Variants in GNB1L observed in about 807,000 individuals in gnomAD.
The protein encoded by GNB1L is G protein subunit beta 1 like, also known as guanine nucleotide-binding protein subunit beta-like protein 1.
Under a neutral mutation model 29.1 loss-of-function variants are expected in GNB1L, and 20 were observed. That is an observed-to-expected ratio of 0.69 (90% confidence interval 0.48 to 1.00). The LOEUF is 1.00. Ranked by LOEUF, GNB1L falls within the 50% of genes least tolerant of loss-of-function variation. GNB1L has a pLI of 0.00. For synonymous variants in GNB1L, 193 were observed against 206.5 expected, an observed-to-expected ratio of 0.93 and a Z score of 0.56; for missense variants, 421 against 464.9, an observed-to-expected ratio of 0.91 and a Z score of 0.87.
rs746935334 is a variant in GNB1L at position 19,802,206 on chromosome 22, C to T, written c.527G>A (p.Ser176Asn). Residue 176 changes from serine to asparagine, a missense_variant, in exon 7 of 8, where the codon AGC becomes AAC. Coordinates refer to ENST00000329517, the MANE Select transcript of GNB1L (RefSeq NM_053004.3). ...GCCGGCCAGAAGGAGTGGGCGGGAG[C>T]TGCAGTCGGCCTGCGGGGAACAGCA... Reference protein sequence around the residue: ...MCLRLWQADCSSRPLLLAGYE... With the variant: ...MCLRLWQADCNSRPLLLAGYE... 6 of 1,612,580 alleles carry T rather than the reference C, an allele frequency of 3.7e-6. No homozygotes were observed. The South Asian group carries it at 6.6e-5, about 18-fold the overall frequency.
Position 19,801,989 on chromosome 22 carries a change from T to C in GNB1L, c.732+12A>G. 1 of 1,564,646 alleles carries C rather than the reference T, an allele frequency of 6.4e-7. No individual in the cohort carries two copies. The stretch of plus-strand genomic sequence containing the variant: ...AGCAGGATAAATGAGACCCGGGGCC[T>C]GGCGCACTGACCTGCAGGGCCTGCT... On this transcript the variant is annotated intron_variant, in intron 7 of 7. Transcript: ENST00000329517.
intron 7 of GNB1L, chr22:19,792,697 T>C: frequency 6.8e-7 from 1 of 1,462,720 alleles, no homozygotes. Flanking sequence ...AGACCACCTG[T>C]CCTTCGAGCA....
At chr22:19,851,697 G>T in intron 2 of GNB1L, 1 of 1,600,764 alleles carries the variant, frequency 6.2e-7, no homozygotes, top group African/African-American at 1.3e-5. Context: ...ACCACAGCAT[G>T]GTACTCAGCA....
intron 2 of GNB1L, among the ~76,000 whole-genome samples, chr22:19,826,152 G>A (rs78817588): frequency 0.015 from 2,242 of 152,302 alleles, 22 homozygotes; most frequent in Non-Finnish European, 0.022. Flanking sequence ...AAAAGGCAAA[G>A]CTTAGGGCCA....
intron 6 of GNB1L, 125 bp from the exon 7 acceptor site, chr22:19,802,341 G>T: frequency 1.4e-6 from 1 of 728,420 alleles, no homozygotes; most frequent in Non-Finnish European, 2.3e-6. Flanking sequence ...TGTCTTCCAC[G>T]TGGCTGCCAC....
chr22:19,810,796 G>A (rs1264366392), intron 5 of GNB1L, among the ~76,000 whole-genome samples: 1 of 152,236 alleles, frequency 6.6e-6, no homozygotes, highest in African/African-American at 2.4e-5. Context: ...TGGGAATGTG[G>A]AAAGCAACTG....
intron 2 of GNB1L, chr22:19,849,936 C>G (rs1396715496): frequency 1.0e-6 from 1 of 985,556 alleles, no homozygotes; most frequent in East Asian, 1.1e-4. Context: ...CTAGAAAACC[C>G]CTCCTTGTGT....
chr22:19,826,245 C>T (rs761783579), intron 2 of GNB1L, among the ~76,000 whole-genome samples: 6 of 152,324 alleles, frequency 3.9e-5, no homozygotes, highest in Admixed American at 3.3e-4. Context: ...CCTACACCCA[C>T]GGATGCCAGA....
At chr22:19,803,801 C>T (rs1429869118) in intron 6 of GNB1L, among the ~76,000 whole-genome samples, 8 of 152,234 alleles carry the variant, frequency 5.3e-5, no homozygotes, top group Admixed American at 5.2e-4. Context: ...AAAGACTCTC[C>T]TCATTGGACC....
Position 19,816,294 on chromosome 22 carries a change from C to T in GNB1L, c.255-3847G>A, listed in dbSNP as rs768806685. Reference sequence around the variant, plus strand: ...CACCATCAGGGGTGTCAACCCTGATCGCCTGGTCAGGACCCATAGTTTTCA... The same window carrying T: ...CACCATCAGGGGTGTCAACCCTGATTGCCTGGTCAGGACCCATAGTTTTCA... On this transcript the variant is annotated intron_variant, in intron 4 of 7. Coordinates refer to ENST00000329517, the MANE Select transcript of GNB1L (RefSeq NM_053004.3). The surrounding 1 kb of genome is among the most constrained non-coding windows in gnomAD (Gnocchi z 4.4). 2.6e-5 allele frequency among the ~76,000 whole-genome samples: 4 copies of T among 152,210 alleles called. No homozygotes were observed. The highest frequency in any genetic ancestry group is 5.9e-5 in the Non-Finnish European group (4 of 68,024).
intron 7 of GNB1L, chr22:19,792,786 G>A (rs1937266510): frequency 3.5e-6 from 5 of 1,439,764 alleles, no homozygotes; most frequent in South Asian, 1.2e-5. Flanking sequence ...GGATCCCATC[G>A]AGCTGGTTGT....
Position 19,808,675 on chromosome 22 carries a change from C to T in GNB1L, c.418-1918G>A, listed in dbSNP as rs73877349. On this transcript the variant is annotated intron_variant, in intron 5 of 7. Coordinates refer to ENST00000329517, the MANE Select transcript of GNB1L (RefSeq NM_053004.3). The stretch of plus-strand genomic sequence containing the variant: ...GTGGAGAACCCAGGAGAAGCTGGGG[C>T]GGGCTTAGCCGTTCTTTGTCTTCTG... 4.4e-3 allele frequency among the ~76,000 whole-genome samples: 674 copies of T among 152,330 alleles called. 6 individuals are homozygous for T. The highest frequency in any genetic ancestry group is 0.015 in the African/African-American group (644 of 41,592).
chr22:19,850,002 C>A, intron 2 of GNB1L: 1 of 985,698 alleles, frequency 1.0e-6, no homozygotes, highest in South Asian at 4.7e-5. Context: ...CAGCTCTGGA[C>A]TGCTGCCTGG....
intron 7 of GNB1L, among the ~76,000 whole-genome samples, chr22:19,791,534 G>A (rs1937253293): frequency 6.6e-6 from 1 of 152,114 alleles, no homozygotes; most frequent in Non-Finnish European, 1.5e-5. Flanking sequence ...TTAAGCTGAG[G>A]AGGCAGAGAT....
At chr22:19,798,965 C>T (rs1022266793) in intron 7 of GNB1L, among the ~76,000 whole-genome samples, 1 of 152,210 alleles carries the variant, frequency 6.6e-6, no homozygotes, top group African/African-American at 2.4e-5. Context: ...CCTCCTGATG[C>T]GATGCACGGG....
chr22:19,800,642 C>T (rs1277131247), intron 7 of GNB1L, among the ~76,000 whole-genome samples: 6 of 152,334 alleles, frequency 3.9e-5, no homozygotes, highest in Admixed American at 3.9e-4. Flanking sequence ...CCCTTCCTCC[C>T]GGGGAGACAT....
At chr22:19,835,346 T>C in intron 2 of GNB1L, among the ~76,000 whole-genome samples, 1 of 148,468 alleles carries the variant, frequency 6.7e-6, no homozygotes, top group East Asian at 2.0e-4. Context: ...GGCCATATCC[T>C]GGGTCATAAA....
chr22:19,847,192 C>T (rs930317015), intron 2 of GNB1L: 18 of 985,294 alleles, frequency 1.8e-5, no homozygotes, highest in South Asian at 9.4e-5. Context: ...GGTAGGCTGT[C>T]GTCAGCACAG....
chr22:19,824,620 C>T (rs1244510818), intron 2 of GNB1L, among the ~76,000 whole-genome samples: 1 of 152,230 alleles, frequency 6.6e-6, no homozygotes, highest in Non-Finnish European at 1.5e-5. Flanking sequence ...GCCTGCAATG[C>T]ACCACCGCGG....
Sources: allele counts gnomAD v4.1 joint callset (sites outside exome capture counted in the v4.1 genomes callset), GRCh38; gene constraint gnomAD v4.1.1; non-coding constraint Gnocchi (gnomAD v3.1); transcripts MANE v1.5; gene names NCBI Gene and HGNC (gene_info 2026-07-23, HGNC 2026-07-21).